Variants in ZNF7 observed in about 807,000 individuals in gnomAD.
ZNF7 encodes zinc finger protein 7.
Under a neutral mutation model 12.0 loss-of-function variants are expected in ZNF7, and 10 were observed. The observed-to-expected ratio is 0.83, with a 90% confidence interval of 0.51 to 1.42. The LOEUF (loss-of-function observed/expected upper bound fraction) is 1.42. ZNF7 is among the 40% of genes most tolerant of loss of function. The pLI is 0.00. For synonymous variants in ZNF7, 334 were observed against 295.0 expected (o/e 1.13, Z -1.35); for missense variants, 854 against 837.2 (o/e 1.02, Z -0.25).
chr8:144,844,070 G>C (rs1241342196), downstream of ZNF7, among the ~76,000 whole-genome samples: 1 of 152,172 alleles, frequency 6.6e-6, no homozygotes, highest in Non-Finnish European at 1.5e-5. Context: ...GAAGCAAGGT[G>C]TCACAGCAAG....
At position 144,842,332 on chromosome 8, in the gene ZNF7, G is replaced by A; in HGVS notation, c.1225G>A (p.Val409Ile). The change falls in exon 5 of 5, where the codon GTA becomes ATA. Residue 409 changes from valine to isoleucine, a missense_variant. Coordinates refer to ENST00000532777, the MANE Select transcript of ZNF7 (RefSeq NM_003416.4). ...SLVAHQRIHA[V>I]EKPFKCDECG... ...TGTTGCACATCAGAGAATTCACGCT[G>A]TAGAGAAACCATTTAAGTGTGATGA... 1 of 1,614,006 alleles carries A rather than the reference G, an allele frequency of 6.2e-7. No homozygotes were observed. Among genetic ancestry groups the A allele is most frequent in the Non-Finnish European group, 8.5e-7 (1 of 1,180,048 alleles).
At chr8:144,828,323 G>A (rs902595679) in intron 1 of ZNF7, among the ~76,000 whole-genome samples, 3 of 152,180 alleles carry the variant, frequency 2.0e-5, no homozygotes, top group Admixed American at 2.0e-4. Context: ...TTCCATCCTG[G>A]CGACAGGTGA....
chr8:144,835,795 C>CA (rs1208619514), intron 3 of ZNF7: 1 of 152,108 alleles, frequency 6.6e-6, no homozygotes, highest in Non-Finnish European at 1.5e-5. Flanking sequence ...TTTTTTGAGA[C>CA]AAAGTTTCAC....
intron 3 of ZNF7, among the ~76,000 whole-genome samples, chr8:144,831,762 A>G (rs1236338912): frequency 3.3e-5 from 3 of 91,974 alleles, no homozygotes; most frequent in African/African-American, 1.0e-4. Context: ...CGGCCTGGGC[A>G]ACAGAGCGAG....
chr8:144,841,155 T>C, intron 4 of ZNF7, 200 bp from the exon 5 acceptor site: 1 of 604,218 alleles, frequency 1.7e-6, no homozygotes, highest in Non-Finnish European at 2.9e-6. Flanking sequence ...TGCTATCGAA[T>C]GAGTGAACAA....
chr8:144,845,838 C>T (rs1305457444), downstream of ZNF7: 1 of 772,718 alleles, frequency 1.3e-6, no homozygotes, highest in Non-Finnish European at 2.0e-6. Flanking sequence ...ACCGGAACTT[C>T]TGTGCACGTG....
rs1219525797 is a variant in ZNF7 at position 144,842,971 on chromosome 8, G to C, written c.1864G>C (p.Val622Leu). ...GAATGCCCTGGAAGGGTCCACCTTTGTGAGCCGTAAAAAGGTTAATACTAT... is the reference window on the plus strand; with the variant it reads ...GAATGCCCTGGAAGGGTCCACCTTTCTGAGCCGTAAAAAGGTTAATACTAT... ...YGNALEGSTFVSRKKVNTIKK... is the reference protein window; with the variant it reads ...YGNALEGSTFLSRKKVNTIKK... Residue 622 changes from valine to leucine, a missense_variant, in exon 5 of 5, where the codon GTG becomes CTG. By Grantham distance (32) the Val-to-Leu change is conservative. Coordinates refer to ENST00000532777, the MANE Select transcript of ZNF7 (RefSeq NM_003416.4). The C allele has an allele frequency of 6.2e-7, 1 of 1,614,188 alleles. No individual in the cohort carries two copies. Among genetic ancestry groups the C allele is most frequent in the Non-Finnish European group, 8.5e-7 (1 of 1,180,040 alleles).
chr8:144,845,106 T>C (rs544323319), downstream of ZNF7, among the ~76,000 whole-genome samples: 1 of 152,092 alleles, frequency 6.6e-6, no homozygotes, highest in African/African-American at 2.4e-5. Context: ...TAATTTATGG[T>C]GCGGGACAGC....
In ZNF7 at chr8:144,837,379, C is replaced by CCG; in HGVS notation, c.131-10_131-9dup. Reference sequence around the variant, plus strand: ...CATGCTGACACTGTTGTCTTCTCTGCCGCACACACAGCAGGATTCCTGGTT... The same window carrying CCG: ...CATGCTGACACTGTTGTCTTCTCTGCCGCGCACACACAGCAGGATTCCTGGTT... On this transcript the variant is annotated splice_polypyrimidine_tract_variant and intron_variant, in intron 3 of 4. Coordinates refer to ENST00000532777, the MANE Select transcript of ZNF7 (RefSeq NM_003416.4). 6.3e-7 allele frequency: 1 copy of CCG among 1,599,314 alleles called. No individual in the cohort carries two copies. Among genetic ancestry groups the CCG allele is most frequent in the Non-Finnish European group, 8.6e-7 (1 of 1,168,540 alleles).
chr8:144,831,102 C>T, intron 3 of ZNF7: 2 of 450,414 alleles, frequency 4.4e-6, no homozygotes, highest in South Asian at 3.1e-5. Flanking sequence ...TGTAGCAGCT[C>T]CATCTGCTGT....
chr8:144,829,945 A>T (rs1377818053), intron 3 of ZNF7: 2 of 177,586 alleles, frequency 1.1e-5, no homozygotes, highest in Admixed American at 1.2e-4. Context: ...GCAACGAGCA[A>T]GAGGTGGCAG....
At chr8:144,830,963 C>T (rs933829918) in intron 3 of ZNF7, 1 of 456,616 alleles carries the variant, frequency 2.2e-6, no homozygotes, top group African/African-American at 2.0e-5. Context: ...GTTTGGTTAT[C>T]TGTGTCCATG....
intron 2 of ZNF7, 94 bp downstream of exon 2, chr8:144,829,184 C>T: frequency 6.3e-7 from 1 of 1,595,504 alleles, no homozygotes. Flanking sequence ...CCTACCTTGG[C>T]CCTTGCTGGG....
intron 3 of ZNF7, chr8:144,836,174 CAT>C (rs1477087372): frequency 6.6e-6 from 1 of 152,204 alleles, no homozygotes; most frequent in Non-Finnish European, 1.5e-5. Context: ...AGCGAGACCA[CAT>C]GTCTGCAAAG....
chr8:144,829,331 C>G (rs1359610554), intron 2 of ZNF7, 147 bp from the exon 3 acceptor site: 1 of 1,541,462 alleles, frequency 6.5e-7, no homozygotes, highest in Non-Finnish European at 8.7e-7. Flanking sequence ...CCCGAGACTG[C>G]CCCTCCCCAG....
downstream of ZNF7, chr8:144,846,100 CTCG>C (rs1411405165): frequency 3.9e-6 from 6 of 1,536,048 alleles, no homozygotes; most frequent in Non-Finnish European, 5.2e-6. Flanking sequence ...CTCCTGGGCT[CTCG>C]TCATCTCCTC....
Position 144,843,310 on chromosome 8 carries a change from C to G in ZNF7, c.*142C>G, listed in dbSNP as rs1830219636. 9.1e-7 allele frequency: 1 copy of G among 1,104,810 alleles called. No individual in the cohort carries two copies. Among genetic ancestry groups the G allele is most frequent in the Non-Finnish European group, 1.3e-6 (1 of 799,294 alleles). The allele number at this position is 1,104,810 out of a possible 1,614,324, so 68.4% of individuals were successfully genotyped here. On this transcript the variant is annotated 3_prime_UTR_variant, in exon 5 of 5. Coordinates refer to ENST00000532777, the MANE Select transcript of ZNF7 (RefSeq NM_003416.4). Reference sequence around the variant, plus strand: ...GCTCTCAAGAATATCCAACTTCAGGCCGAGTGTGGTGGCTTATGCCTGTCA... The same window carrying G: ...GCTCTCAAGAATATCCAACTTCAGGGCGAGTGTGGTGGCTTATGCCTGTCA...
intron 3 of ZNF7, 128 bp from the exon 4 acceptor site, chr8:144,837,263 C>T (rs1233453678): frequency 2.9e-6 from 2 of 690,724 alleles, no homozygotes; most frequent in African/African-American, 3.5e-5. Context: ...CCCACTCTCC[C>T]TGCAGGAGCT....
In ZNF7 at chr8:144,841,548, C is replaced by G. The variant is rs772460214; in HGVS notation, c.441C>G (p.Thr147=). The G allele has an allele frequency of 1.2e-6, 2 of 1,614,168 alleles. No homozygotes were observed. Among genetic ancestry groups the G allele is most frequent in the Non-Finnish European group, 1.7e-6 (2 of 1,180,040 alleles). ...CCGGGCTGAAAGTGACAGGCTTTAC[C>G]TTCCAAAATAACTGTTTGAATGAGG... ...GSPGLKVTGF[T]FQNNCLNEET... is the part of the protein sequence containing the mutation. Residue 147 remains threonine, a synonymous_variant, in exon 5 of 5, where the codon ACC becomes ACG. Transcript: ENST00000532777.
Sources: gnomAD v4.1 joint callset for allele counts (sites outside exome capture counted in the v4.1 genomes callset) on GRCh38, gnomAD v4.1.1 for gene constraint, MANE v1.5 for transcripts, NCBI Gene and HGNC (gene_info 2026-07-23, HGNC 2026-07-21) for gene names.